Variants in RAB11FIP3 observed in about 807,000 individuals in gnomAD.
RAB11FIP3 encodes the protein RAB11 family interacting protein 3, also known as rab11 family-interacting protein 3.
Under a neutral mutation model 77.8 loss-of-function variants are expected in RAB11FIP3, and 17 were observed. The observed-to-expected ratio is 0.22, with a 90% confidence interval of 0.15 to 0.33. The LOEUF is 0.33. Among genes scored for constraint, RAB11FIP3 ranks in the 10% least tolerant of loss-of-function variants. The pLI is 1.00. For missense variants in RAB11FIP3, 1,005 were observed against 1,011.2 expected, an observed-to-expected ratio of 0.99 and a Z score of 0.08; for synonymous variants, 437 against 448.2, an observed-to-expected ratio of 0.98 and a Z score of 0.31.
At chr16:496,414 C>A (rs929699191) in intron 5 of RAB11FIP3, among the ~76,000 whole-genome samples, 1 of 152,218 alleles carries the variant, frequency 6.6e-6, no homozygotes, top group Non-Finnish European at 1.5e-5. Context: ...GAGTCGAAGC[C>A]AGCGGCAAAC....
Position 510,826 on chromosome 16 carries a change from A to G in RAB11FIP3, c.1640+26A>G, listed in dbSNP as rs368826450. 3.0e-4 allele frequency: 486 copies of G among 1,607,496 alleles called. 4 individuals carry two copies. The African/African-American group carries it at 5.8e-3, about 19-fold the overall frequency. On this transcript the variant is annotated intron_variant, in intron 9 of 13. Transcript: ENST00000262305. Reference sequence around the variant, plus strand: ...GTAGGCGGTTCCCAACAGCCCATCCACCCCAGAACCTGCAGGCCAGGTAGG... The same window carrying G: ...GTAGGCGGTTCCCAACAGCCCATCCGCCCCAGAACCTGCAGGCCAGGTAGG...
rs151178712 is a variant in RAB11FIP3, at chr16:432,370, T to A, written c.714+5650T>A. On this transcript the variant is annotated intron_variant, in intron 1 of 13. Transcript: ENST00000262305. ...CCAGCCTGGACGACAAGGGTGAAAC[T>A]GTCTCGAAAAACTAAAAAGAAACTA... Among the ~76,000 whole-genome samples the A allele has an allele frequency of 8.1e-3, 1,239 of 152,068 alleles. 17 individuals carry two copies. The highest frequency in any genetic ancestry group is 0.028 in the African/African-American group (1,178 of 41,484).
chr16:437,570 C>CAAAA (rs34184576), intron 1 of RAB11FIP3, among the ~76,000 whole-genome samples: 3 of 58,956 alleles, frequency 5.1e-5, no homozygotes, highest in Non-Finnish European at 8.8e-5. Context: ...AACTCCATCT[C>CAAAA]AAAAAAAAAA....
At chr16:454,561 C>T (rs763514720) in intron 1 of RAB11FIP3, among the ~76,000 whole-genome samples, 12 of 152,012 alleles carry the variant, frequency 7.9e-5, no homozygotes, top group South Asian at 2.1e-4. Flanking sequence ...TGTATACCTC[C>T]TCAAAACCAA....
intron 1 of RAB11FIP3, among the ~76,000 whole-genome samples, chr16:451,809 T>A (rs2055412657): frequency 6.6e-6 from 1 of 151,584 alleles, no homozygotes; most frequent in Admixed American, 6.6e-5. Flanking sequence ...CACTCCAGTC[T>A]GGGCGACAGA....
rs1369226501 is a variant in RAB11FIP3, at chr16:471,291, G to T, written c.809-4G>T. 6.2e-7 allele frequency: 1 copy of T among 1,612,758 alleles called. No homozygotes were observed. The highest frequency in any genetic ancestry group is 2.2e-5 in the East Asian group (1 of 44,872). On this transcript the variant is annotated splice_polypyrimidine_tract_variant and splice_region_variant and intron_variant, in intron 2 of 13. Coordinates refer to ENST00000262305, the MANE Select transcript of RAB11FIP3 (RefSeq NM_014700.4). This position sits in a 1 kb window ranked among gnomAD's most constrained non-coding sequence, Gnocchi z 4.4. ...CTGTTGAGCACGAGGTCTTCTCCCT[G>T]CAGATCCTGATGGCCAGTGCTACGG...
intron 4 of RAB11FIP3, among the ~76,000 whole-genome samples, chr16:484,454 C>T (rs1355190995): frequency 1.3e-5 from 2 of 152,078 alleles, no homozygotes; most frequent in South Asian, 2.1e-4. Flanking sequence ...CAGGTTCCAG[C>T]GATTCTCCTG....
At chr16:489,639 C>T (rs2029992998) in intron 5 of RAB11FIP3, among the ~76,000 whole-genome samples, 1 of 152,128 alleles carries the variant, frequency 6.6e-6, no homozygotes, top group South Asian at 2.1e-4. Flanking sequence ...TCCCTTCTCC[C>T]CTTTGCTACT....
chr16:477,633 A>C lies in RAB11FIP3; in HGVS notation c.904-4892A>C, dbSNP rs891074968. ...TGGGCCCTGGGCCCTGCCGTCCTGCAGGAGTGGGAGCTGCCCAGGGACGGT... is the reference window on the plus strand; with the variant it reads ...TGGGCCCTGGGCCCTGCCGTCCTGCCGGAGTGGGAGCTGCCCAGGGACGGT... On this transcript the variant is annotated intron_variant, in intron 3 of 13. Coordinates refer to ENST00000262305, the MANE Select transcript of RAB11FIP3 (RefSeq NM_014700.4). 9.1e-6 allele frequency: 9 copies of C among 985,326 alleles called. No homozygotes were observed. The African/African-American group carries it at 1.6e-4, about 17-fold the overall frequency. The allele number at this position is 985,326 out of a possible 1,614,324, so 61.0% of individuals were successfully genotyped here. A position where few individuals can be genotyped will look rare whatever the true frequency, so the allele number is the denominator to read the frequency against.
intron 2 of RAB11FIP3, among the ~76,000 whole-genome samples, chr16:467,784 T>G (rs368555311): frequency 5.1e-5 from 1 of 19,696 alleles, no homozygotes; most frequent in Non-Finnish European, 9.1e-5. Context: ...GAGGAGGTGC[T>G]GGGGCCTCAG....
intron 9 of RAB11FIP3, among the ~76,000 whole-genome samples, chr16:512,915 C>T (rs543107775): frequency 3.8e-4 from 57 of 150,920 alleles, no homozygotes; most frequent in African/African-American, 1.3e-3. Flanking sequence ...CTCCTGGGCT[C>T]AAGCATTCCT....
At chr16:510,626 G>A in intron 8 of RAB11FIP3, 34 bp from the exon 9 acceptor site, 2 of 1,563,382 alleles carry the variant, frequency 1.3e-6, no homozygotes, top group Non-Finnish European at 1.7e-6. Flanking sequence ...CACCCTGCCT[G>A]GAGACAGCTC....
chr16:425,940 C>G lies in RAB11FIP3; in HGVS notation c.-67C>G, dbSNP rs2054931015. ...GCGCCGCCGAGGGGATGCCCGCGCC[C>G]GCCGCCGCGCCCTGAGCGCCTTTGT... is the stretch of plus-strand genomic sequence containing the variant. On this transcript the variant is annotated 5_prime_UTR_variant, in exon 1 of 14. Transcript: ENST00000262305. 1 of 694,012 alleles carries G rather than the reference C, an allele frequency of 1.4e-6. No individual in the cohort carries two copies. Among genetic ancestry groups the G allele is most frequent in the African/African-American group, 2.0e-5 (1 of 50,250 alleles). The allele number at this position is 694,012 out of a possible 1,614,324, so 43.0% of individuals were successfully genotyped here.
In RAB11FIP3 at chr16:455,720, C is replaced by T. The variant is rs1408197278; in HGVS notation, c.715-5684C>T. Among the ~76,000 whole-genome samples the T allele has an allele frequency of 2.0e-5, 3 of 152,206 alleles. No individual in the cohort carries two copies. The South Asian group carries it at 6.2e-4, about 32-fold the overall frequency. On this transcript the variant is annotated intron_variant, in intron 1 of 13. Transcript: ENST00000262305. Reference sequence around the variant, plus strand: ...AGGCAATCCTCCCACCTCAGCCTTCCAAGTAGCTGGAACTACTGGCACGTG... The same window carrying T: ...AGGCAATCCTCCCACCTCAGCCTTCTAAGTAGCTGGAACTACTGGCACGTG...
chr16:491,361 C>CTCT, intron 5 of RAB11FIP3: 2 of 1,211,728 alleles, frequency 1.7e-6, no homozygotes, highest in East Asian at 1.2e-4. Context: ...CCCGAGGCGA[C>CTCT]CAGGAGCCTC....
intron 4 of RAB11FIP3, 131 bp downstream of exon 4, chr16:482,867 G>C: frequency 1.0e-6 from 1 of 991,720 alleles, no homozygotes; most frequent in Non-Finnish European, 1.5e-6. Flanking sequence ...GTGGGGCTTG[G>C]CCCTGCAGTA....
chr16:491,060 G>C (rs747511289), intron 5 of RAB11FIP3: 2 of 1,216,408 alleles, frequency 1.6e-6, no homozygotes, highest in African/African-American at 1.6e-5. Context: ...TGTTCCCCTC[G>C]GCCCCTCGTG....
chr16:464,633 T>A (rs1214095073), intron 2 of RAB11FIP3, among the ~76,000 whole-genome samples: 1 of 152,164 alleles, frequency 6.6e-6, no homozygotes, highest in Non-Finnish European at 1.5e-5. Flanking sequence ...CAGTGGCTCA[T>A]ACCTGTAATC....
At chr16:445,106 T>C (rs1199194760) in intron 1 of RAB11FIP3, among the ~76,000 whole-genome samples, 5 of 98,010 alleles carry the variant, frequency 5.1e-5, no homozygotes, top group Admixed American at 3.6e-4. Flanking sequence ...AGAGCGAGAC[T>C]CTGTCTCAAA....
Sources: gnomAD v4.1 joint callset for allele counts (sites outside exome capture counted in the v4.1 genomes callset) on GRCh38, gnomAD v4.1.1 for gene constraint, Gnocchi (gnomAD v3.1) non-coding constraint, MANE v1.5 for transcripts, NCBI Gene and HGNC (gene_info 2026-07-23, HGNC 2026-07-21) for gene names.